The following HDGFL2 variants were observed in gnomAD, a reference collection of about 807,000 sequenced individuals.
The protein encoded by HDGFL2 is HDGF like 2, also known as hepatoma-derived growth factor-related protein 2.
A neutral mutation model predicts 77.1 loss-of-function variants in HDGFL2; 36 were observed. The observed-to-expected ratio is 0.47, with a 90% confidence interval of 0.36 to 0.62. The LOEUF (loss-of-function observed/expected upper bound fraction) is 0.62, where lower values mean the gene tolerates loss of function less well. Among genes scored for constraint, HDGFL2 ranks in the 20% least tolerant of loss-of-function variants. The pLI is 0.00. For synonymous variants in HDGFL2, 463 were observed against 413.1 expected (o/e 1.12, Z -1.46); for missense variants, 976 against 973.4 (o/e 1.00, Z -0.04).
chr19:4,477,167 G>A (rs770207525), intron 3 of HDGFL2, among the ~76,000 whole-genome samples: 34 of 152,120 alleles, frequency 2.2e-4, no homozygotes, highest in Non-Finnish European at 4.1e-4. Context: ...GCTGGGTGGT[G>A]CTTGTGAGCA....
chr19:4,481,551 C>T (rs1975217952), intron 3 of HDGFL2, among the ~76,000 whole-genome samples: 1 of 151,790 alleles, frequency 6.6e-6, no homozygotes, highest in Non-Finnish European at 1.5e-5. Flanking sequence ...TGGTCTCGAT[C>T]TCCTGACCTT....
chr19:4,482,402 G>A (rs752091173), intron 3 of HDGFL2, among the ~76,000 whole-genome samples: 16 of 151,914 alleles, frequency 1.1e-4, no homozygotes, highest in Non-Finnish European at 1.9e-4. Flanking sequence ...TAGAGATGGG[G>A]TTTCACCATA....
chr19:4,501,384 G>T (rs534374744), intron 15 of HDGFL2, 67 bp downstream of exon 15: 2 of 1,511,556 alleles, frequency 1.3e-6, no homozygotes. Context: ...CCCTGGGTCC[G>T]AGCCGCTCCT....
Position 4,494,309 on chromosome 19 carries a change from G to A in HDGFL2, c.1058G>A (p.Arg353Lys). ...CAGGAGAAGGAGGAGAAGGAGCGGA[G>A]GCGCGAGCGGGCCGACCGCGGGGAG... ...REQEKEEKER[R>K]RERADRGEAE... The change falls in exon 9 of 16, where the codon AGG (arginine) becomes AAG (lysine). Residue 353 changes from arginine to lysine, a missense_variant. Physicochemically the swap from Arg to Lys is conservative, Grantham distance 26. This residue lies in a region of HDGFL2 where 567 missense variants were observed against 534.7 expected (regional missense o/e 1.06). Coordinates refer to ENST00000616600, the MANE Select transcript of HDGFL2 (RefSeq NM_001001520.3). 7.0e-7 allele frequency: 1 copy of A among 1,430,044 alleles called. No homozygotes were observed. The highest frequency in any genetic ancestry group is 1.5e-5 in the African/African-American group (1 of 66,314). The allele number at this position is 1,430,044 out of a possible 1,614,324, so 88.6% of individuals were successfully genotyped here.
chr19:4,499,987 C>T (rs769941050), intron 14 of HDGFL2, among the ~76,000 whole-genome samples: 41 of 152,172 alleles, frequency 2.7e-4, no homozygotes, highest in Non-Finnish European at 5.1e-4. Flanking sequence ...ACGCCTCCAC[C>T]GTCTCCCACC....
chr19:4,498,763 C>G, intron 12 of HDGFL2, 51 bp from the exon 13 acceptor site: 1 of 1,325,270 alleles, frequency 7.5e-7, no homozygotes, highest in Non-Finnish European at 1.1e-6. Flanking sequence ...CCTGGGACCC[C>G]TGGGGATCCC....
chr19:4,498,413 G>A (rs747155355), intron 12 of HDGFL2, 37 bp downstream of exon 12: 17 of 1,507,884 alleles, frequency 1.1e-5, no homozygotes, highest in African/African-American at 8.2e-5. Flanking sequence ...AGCAGTCCCC[G>A]CTGCCACCTC....
chr19:4,496,503 A>G, intron 10 of HDGFL2, 98 bp downstream of exon 10: 3 of 898,640 alleles, frequency 3.3e-6, no homozygotes, highest in Non-Finnish European at 3.6e-6. Context: ...CTCTGAGTTC[A>G]GCCTTGGAGC....
At chr19:4,496,514 C>T (rs1015192637) in intron 10 of HDGFL2, 109 bp downstream of exon 10, 55 of 827,726 alleles carry the variant, frequency 6.6e-5, no homozygotes, top group Non-Finnish European at 1.0e-4. Flanking sequence ...GCCTTGGAGC[C>T]GGACCCGGTT....
At chr19:4,493,908 G>A (rs1975622063) in intron 7 of HDGFL2, 46 bp downstream of exon 7, 4 of 1,520,006 alleles carry the variant, frequency 2.6e-6, no homozygotes, top group African/African-American at 1.4e-5. Flanking sequence ...CCCCTGCCGG[G>A]GCGCTCCCAG....
intron 4 of HDGFL2, among the ~76,000 whole-genome samples, chr19:4,490,377 G>A (rs779106187): frequency 6.6e-6 from 1 of 152,158 alleles, no homozygotes; most frequent in African/African-American, 2.4e-5. Context: ...GAGCCACCGC[G>A]CCTGGCTGCC....
At chr19:4,498,938 G>T (rs188584483) in intron 13 of HDGFL2, 23 bp downstream of exon 13, 60 of 1,529,328 alleles carry the variant, frequency 3.9e-5, no homozygotes, top group Admixed American at 1.8e-4. Flanking sequence ...AATCAGAGGC[G>T]CAGGGTGCAG....
chr19:4,496,869 C>CTTTTT, intron 10 of HDGFL2: 29 of 345,716 alleles, frequency 8.4e-5, no homozygotes, highest in Admixed American at 2.2e-4. Context: ...TCCCAGCTCA[C>CTTTTT]TTTTTTTTTT....
At chr19:4,483,011 T>G (rs1235877962) in intron 3 of HDGFL2, among the ~76,000 whole-genome samples, 2 of 152,148 alleles carry the variant, frequency 1.3e-5, no homozygotes, top group Admixed American at 1.3e-4. Context: ...TTACCAGGGA[T>G]GCTCCAAAGA....
intron 3 of HDGFL2, among the ~76,000 whole-genome samples, chr19:4,481,788 G>T (rs560815411): frequency 6.6e-6 from 1 of 152,050 alleles, no homozygotes; most frequent in Non-Finnish European, 1.5e-5. Context: ...AGAGGATTTG[G>T]TAGTGCTGAC....
In HDGFL2 at chr19:4,475,425, C is replaced by T. The variant is rs1372234176; in HGVS notation, c.150-20C>T. The T allele has an allele frequency of 1.2e-6, 2 of 1,613,918 alleles. No individual in the cohort carries two copies. The highest frequency in any genetic ancestry group is 1.1e-5 in the South Asian group (1 of 91,066). ...GGTGGCCTCACTCACCTGGGACTGG[C>T]CCCCGTTTCCCTTCTCCAGAGCCTT... On this transcript the variant is annotated intron_variant, in intron 2 of 15. Coordinates refer to ENST00000616600, the MANE Select transcript of HDGFL2 (RefSeq NM_001001520.3).
chr19:4,494,120 T>C, intron 8 of HDGFL2, 46 bp from the exon 9 acceptor site: 1 of 1,504,248 alleles, frequency 6.6e-7, no homozygotes. Context: ...CAGGGCGGGC[T>C]CCTGAGGGAG....
chr19:4,499,901 C>T (rs565786011), intron 14 of HDGFL2, among the ~76,000 whole-genome samples, 197 bp downstream of exon 14: 6 of 152,328 alleles, frequency 3.9e-5, no homozygotes, highest in South Asian at 2.1e-4. Flanking sequence ...CAGGTCCTAC[C>T]GTGTGCCAGG....
At chr19:4,501,139 G>A (rs1975864519) in intron 14 of HDGFL2, 52 bp from the exon 15 acceptor site, 4 of 1,609,082 alleles carry the variant, frequency 2.5e-6, no homozygotes, top group Non-Finnish European at 3.4e-6. Context: ...AAGGGTTCTG[G>A]GGTGCCCAGC....
Sources: gnomAD v4.1 joint callset for allele counts (sites outside exome capture counted in the v4.1 genomes callset) on GRCh38, gnomAD v4.1.1 for gene constraint, gnomAD v4.1.1 regional missense constraint, MANE v1.5 for transcripts, NCBI Gene and HGNC (gene_info 2026-07-23, HGNC 2026-07-21) for gene names.